CHCHD6: variants seen among roughly 807,000 people sequenced by gnomAD.
CHCHD6 encodes MICOS complex subunit MIC25.
Under a neutral mutation model 32.3 loss-of-function variants are expected in CHCHD6, and 28 were observed. That is an observed-to-expected ratio of 0.87 (90% CI 0.64 to 1.19). The LOEUF is 1.19. CHCHD6 is among the 50% of genes most tolerant of loss of function. The pLI, the probability that CHCHD6 is intolerant of heterozygous loss-of-function variation, is 0.00. For synonymous variants in CHCHD6, 122 were observed against 117.5 expected, an observed-to-expected ratio of 1.04 and a Z score of -0.25; for missense variants, 333 against 307.0, an observed-to-expected ratio of 1.08 and a Z score of -0.63.
intron 4 of CHCHD6, among the ~76,000 whole-genome samples, chr3:126,791,471 C>A (rs1559846163): frequency 6.6e-6 from 1 of 152,252 alleles, no homozygotes; most frequent in Non-Finnish European, 1.5e-5. Flanking sequence ...TGGGCTCCAC[C>A]CAGTTCGACC....
intron 5 of CHCHD6, among the ~76,000 whole-genome samples, chr3:126,902,859 A>C (rs2077949532): frequency 1.3e-5 from 2 of 152,110 alleles, no homozygotes; most frequent in Admixed American, 1.3e-4. Context: ...AGGGTCTGAG[A>C]GATTCTGCAT....
intron 4 of CHCHD6, among the ~76,000 whole-genome samples, chr3:126,847,802 C>T (rs1277358155): frequency 1.3e-5 from 2 of 152,058 alleles, no homozygotes; most frequent in Admixed American, 1.3e-4. Context: ...TTCTCCTTCC[C>T]CTCGCCCACC....
intron 5 of CHCHD6, among the ~76,000 whole-genome samples, chr3:126,882,263 C>T (rs189771015): frequency 1.4e-4 from 22 of 152,308 alleles, no homozygotes; most frequent in Middle Eastern, 3.4e-3. Flanking sequence ...CCTGGACCTC[C>T]CTCTCCGCCT....
intron 5 of CHCHD6, among the ~76,000 whole-genome samples, chr3:126,858,072 T>TA (rs1358246884): frequency 1.3e-5 from 2 of 152,106 alleles, no homozygotes; most frequent in Non-Finnish European, 2.9e-5. Flanking sequence ...GTATTCATGA[T>TA]AGAGCATTGC....
chr3:126,854,545 T>G (rs114073228), intron 5 of CHCHD6, among the ~76,000 whole-genome samples: 2,776 of 152,302 alleles, frequency 0.018, 30 homozygotes, highest in Middle Eastern at 0.051. Context: ...GCTGGGAAGA[T>G]GGAAAACACA....
intron 1 of CHCHD6, among the ~76,000 whole-genome samples, chr3:126,705,319 G>T (rs1255930238): frequency 6.6e-6 from 1 of 152,156 alleles, no homozygotes; most frequent in Admixed American, 6.5e-5. Flanking sequence ...GCTTTTTGAG[G>T]CTAAGGTTCC....
chr3:126,925,796 AC>A (rs1221275669), intron 6 of CHCHD6, among the ~76,000 whole-genome samples: 3 of 152,230 alleles, frequency 2.0e-5, no homozygotes, highest in Admixed American at 1.3e-4. Context: ...GAAGAGAGCC[AC>A]GGAGGGCCTG....
At chr3:126,716,282 C>T (rs541599029) in intron 1 of CHCHD6, among the ~76,000 whole-genome samples, 5 of 152,338 alleles carry the variant, frequency 3.3e-5, no homozygotes, top group Admixed American at 1.3e-4. Flanking sequence ...GAGCTCCCTC[C>T]CTTCCGTGCC....
At chr3:126,795,573 A>C (rs920183311) in intron 4 of CHCHD6, among the ~76,000 whole-genome samples, 1 of 152,144 alleles carries the variant, frequency 6.6e-6, no homozygotes, top group African/African-American at 2.4e-5. Context: ...ACTCAAACCT[A>C]GAATTCTAGG....
At chr3:126,814,225 CTCTT>C (rs1939781527) in intron 4 of CHCHD6, among the ~76,000 whole-genome samples, 1 of 152,188 alleles carries the variant, frequency 6.6e-6, no homozygotes, top group African/African-American at 2.4e-5. Context: ...TTGGCGGTAA[CTCTT>C]TGTCATCACT....
At chr3:126,751,264 G>A (rs1165376018) in intron 4 of CHCHD6, among the ~76,000 whole-genome samples, 3 of 151,934 alleles carry the variant, frequency 2.0e-5, no homozygotes, top group South Asian at 2.1e-4. Context: ...CACTTTGGGA[G>A]GCAGAGGTGG....
intron 3 of CHCHD6, 42 bp downstream of exon 3, chr3:126,730,672 C>T: frequency 6.5e-7 from 1 of 1,544,190 alleles, no homozygotes; most frequent in East Asian, 2.2e-5. Flanking sequence ...TGCGCTCCGC[C>T]TAAAAGCCTC....
intron 6 of CHCHD6, chr3:126,935,154 T>A: frequency 3.0e-6 from 3 of 987,674 alleles, no homozygotes; most frequent in Non-Finnish European, 3.6e-6. Context: ...GCTCAGCCAG[T>A]GCCTTTGGAA....
chr3:126,944,276 G>GC (rs1304836568), intron 6 of CHCHD6, among the ~76,000 whole-genome samples: 1 of 152,238 alleles, frequency 6.6e-6, no homozygotes, highest in Non-Finnish European at 1.5e-5. Context: ...GGTTACAAAG[G>GC]CCCCAGGTCA....
chr3:126,947,814 C>G (rs957530642), intron 6 of CHCHD6, among the ~76,000 whole-genome samples: 1 of 152,192 alleles, frequency 6.6e-6, no homozygotes, highest in Non-Finnish European at 1.5e-5. Context: ...AGAAGACTTC[C>G]TGGGCAGCAC....
chr3:126,732,314 A>T (rs892429222), intron 3 of CHCHD6, among the ~76,000 whole-genome samples: 2 of 152,076 alleles, frequency 1.3e-5, no homozygotes, highest in Admixed American at 1.3e-4. Flanking sequence ...GTTTAGGGTT[A>T]TTTTTTGAAT....
rs562080482 is a variant in CHCHD6 at position 126,760,779 on chromosome 3, A to G, written c.411+27557A>G. ...TTTCTACCTTTTGGCTATTGTGAGT[A>G]ATGCTGCTGTGAACAAGAGAGTGCA... On this transcript the variant is annotated intron_variant, in intron 4 of 7. Transcript: ENST00000290913. 1.3e-4 allele frequency among the ~76,000 whole-genome samples: 20 copies of G among 152,292 alleles called. No homozygotes were observed. In the South Asian group the frequency reaches 4.1e-3, roughly 32 times the overall value.
intron 6 of CHCHD6, among the ~76,000 whole-genome samples, chr3:126,921,251 C>T (rs2078242581): frequency 1.3e-5 from 2 of 152,176 alleles, no homozygotes; most frequent in Admixed American, 1.3e-4. Context: ...AGACTCCTGC[C>T]TCAGGGCCAA....
At chr3:126,725,459 G>A (rs1460544738) in intron 1 of CHCHD6, among the ~76,000 whole-genome samples, 1 of 152,192 alleles carries the variant, frequency 6.6e-6, no homozygotes, top group Non-Finnish European at 1.5e-5. Context: ...CATTTCTAGA[G>A]CACTGGCAGA....
Sources: allele counts gnomAD v4.1 joint callset (sites outside exome capture counted in the v4.1 genomes callset), GRCh38; gene constraint gnomAD v4.1.1; transcripts MANE v1.5; gene names NCBI Gene and HGNC (gene_info 2026-07-23, HGNC 2026-07-21).